The following ELAVL2 variants were observed in gnomAD, a reference collection of about 807,000 sequenced individuals.
ELAVL2 encodes ELAV like RNA binding protein 2.
A neutral mutation model predicts 34.6 loss-of-function variants in ELAVL2; 4 were observed. That is an observed-to-expected ratio of 0.12 (90% CI 0.06 to 0.26). The LOEUF is 0.26. ELAVL2 is among the 10% of genes least tolerant of loss of function. The probability of loss-of-function intolerance (pLI) is 1.00; values close to 1 mark genes in which losing one functional copy is unlikely to be tolerated. For missense variants in ELAVL2, 432 were observed against 442.8 expected (o/e 0.98, Z 0.22); for synonymous variants, 193 against 154.8 (o/e 1.25, Z -1.83).
chr9:23,737,649 G>C (rs1043161896), intron 2 of ELAVL2, among the ~76,000 whole-genome samples: 1 of 152,130 alleles, frequency 6.6e-6, no homozygotes, highest in Non-Finnish European at 1.5e-5. Context: ...GTAAAAACCT[G>C]GTAGTTGAAT....
chr9:23,754,250 T>C (rs916917566), intron 2 of ELAVL2, among the ~76,000 whole-genome samples: 3 of 152,098 alleles, frequency 2.0e-5, no homozygotes, highest in African/African-American at 7.2e-5. Context: ...TAGAGAAGAA[T>C]ATTGTTTCAT....
intron 1 of ELAVL2, among the ~76,000 whole-genome samples, chr9:23,777,956 A>G (rs1029428808): frequency 8.6e-6 from 1 of 116,462 alleles, no homozygotes; most frequent in Non-Finnish European, 1.7e-5. Context: ...AACATGGCCA[A>G]CATAAACAGC....
rs575160551 is a variant in ELAVL2 at position 23,765,770 on chromosome 9, A to G, written c.-15-3521T>C. On this transcript the variant is annotated intron_variant, in intron 1 of 6. Transcript: ENST00000397312. ...TGAAATAATTGGACCGATAAATAGG[A>G]TTGTTTGGAGTAATGCTCGCATAGG... 2.6e-5 allele frequency among the ~76,000 whole-genome samples: 4 copies of G among 152,284 alleles called. No homozygotes were observed. In the South Asian group the frequency reaches 8.3e-4, roughly 32 times the overall value.
intron 1 of ELAVL2, chr9:23,765,082 T>G: frequency 1.9e-6 from 3 of 1,605,728 alleles, no homozygotes; most frequent in Non-Finnish European, 2.5e-6. Flanking sequence ...GACTGCCATG[T>G]TAGTTTGGAG....
At chr9:23,822,526 C>G (rs1368297241) in intron 1 of ELAVL2, among the ~76,000 whole-genome samples, 1 of 152,162 alleles carries the variant, frequency 6.6e-6, no homozygotes, top group African/African-American at 2.4e-5. Flanking sequence ...TTGCCTTGGC[C>G]CGCCCCTTCG....
intron 2 of ELAVL2, among the ~76,000 whole-genome samples, chr9:23,747,947 G>T (rs1029868107): frequency 3.3e-5 from 5 of 152,066 alleles, no homozygotes; most frequent in African/African-American, 1.2e-4. Context: ...GTTCTACTCA[G>T]TAACAGAATC....
At chr9:23,804,374 T>G (rs2061952751) in intron 1 of ELAVL2, among the ~76,000 whole-genome samples, 1 of 152,240 alleles carries the variant, frequency 6.6e-6, no homozygotes, top group South Asian at 2.1e-4. Context: ...TACAAACATG[T>G]AATGGCACAG....
chr9:23,706,795 C>G (rs968371281), intron 3 of ELAVL2, among the ~76,000 whole-genome samples: 2 of 152,174 alleles, frequency 1.3e-5, no homozygotes, highest in African/African-American at 4.8e-5. Context: ...AAGCACCAAA[C>G]ATTTTCCCCA....
intron 5 of ELAVL2, among the ~76,000 whole-genome samples, chr9:23,701,136 A>G (rs2037054865): frequency 6.6e-6 from 1 of 151,996 alleles, no homozygotes; most frequent in South Asian, 2.1e-4. Context: ...GGCAAAAATC[A>G]CCCTTGGTTA....
chr9:23,781,872 G>C (rs901281261), intron 1 of ELAVL2, among the ~76,000 whole-genome samples: 1 of 152,046 alleles, frequency 6.6e-6, no homozygotes, highest in Middle Eastern at 3.2e-3. Context: ...TTTTAGTAGA[G>C]ACGGGGTTTC....
intron 5 of ELAVL2, 84 bp downstream of exon 5, chr9:23,701,295 T>A: frequency 1.4e-6 from 2 of 1,431,666 alleles, no homozygotes; most frequent in Middle Eastern, 1.8e-4. Context: ...AAACCAGAGA[T>A]CCTGTCAATA....
chr9:23,699,660 C>T (rs2036462423), intron 5 of ELAVL2, among the ~76,000 whole-genome samples: 1 of 151,930 alleles, frequency 6.6e-6, no homozygotes, highest in African/African-American at 2.4e-5. Context: ...ATATTATTCA[C>T]TTAAGATGTC....
At chr9:23,821,891 G>GGCGGGGCCGGCGGCGAGTTC (rs1177394201) in intron 1 of ELAVL2, 1 of 151,288 alleles carries the variant, frequency 6.6e-6, no homozygotes, top group East Asian at 2.0e-4. Flanking sequence ...AGCGCCAGGA[G>GGCGGGGCCGGCGGCGAGTTC]GCGGGGCCGG....
In ELAVL2 at chr9:23,708,046, AT is replaced by A. The variant is rs199608597; in HGVS notation, c.334-2976del. Among the ~76,000 whole-genome samples the A allele has an allele frequency of 1.4e-3, 197 of 142,462 alleles. 1 individual carries two copies. Among genetic ancestry groups the A allele is most frequent in the South Asian group, 8.9e-3 (35 of 3,920 alleles). 93.5% of individuals were successfully genotyped at this position (142,462 alleles called of 152,430 possible). ...AAAACATACCTAGGTCAGTTATGTG[AT>A]TTTTTTTTTCCCCAATGTCCACTCT... On this transcript the variant is annotated intron_variant, in intron 3 of 6. Transcript: ENST00000397312.
intron 2 of ELAVL2, among the ~76,000 whole-genome samples, chr9:23,751,158 C>T (rs533733472): frequency 1.3e-5 from 2 of 152,132 alleles, no homozygotes; most frequent in South Asian, 4.2e-4. Flanking sequence ...GTGGTGGATA[C>T]AGGACTTGTA....
intron 1 of ELAVL2, among the ~76,000 whole-genome samples, chr9:23,785,021 T>TA (rs2136976904): frequency 6.6e-6 from 1 of 152,334 alleles, no homozygotes; most frequent in South Asian, 2.1e-4. Context: ...TTGGGGCATC[T>TA]AAGCAAACCA....
At position 23,690,389 on chromosome 9, in the gene ELAVL2, C is replaced by T. The variant is rs941775001; in HGVS notation, c.*2168G>A. 6.6e-6 allele frequency: 1 copy of T among 152,508 alleles called. No homozygotes were observed. Among genetic ancestry groups the T allele is most frequent in the African/African-American group, 2.4e-5 (1 of 41,414 alleles). 9.4% of individuals were successfully genotyped at this position (152,508 alleles called of 1,614,324 possible). A position where few individuals can be genotyped will look rare whatever the true frequency, so the allele number is the denominator to read the frequency against. ...AAGAAGCATGTAGCTGCTGTTTTCC[C>T]TTGAGGGAAACCTTATTATTTTTTT... On this transcript the variant is annotated 3_prime_UTR_variant, in exon 7 of 7. Transcript: ENST00000397312.
At chr9:23,774,235 A>AAAAAAAAAAAG (rs59791462) in intron 1 of ELAVL2, among the ~76,000 whole-genome samples, 2 of 132,346 alleles carry the variant, frequency 1.5e-5, no homozygotes, top group African/African-American at 6.3e-5. Flanking sequence ...AAAAAAAAAA[A>AAAAAAAAAAAG]AAAGAAAGAA....
rs116382244 is a variant in ELAVL2, at chr9:23,726,958, A to T, written c.333+4064T>A. ...TAGGGACCTGAAGGATCTTGGAGAA[A>T]AACCTCTCTTCTTCTCACCAGCATA... On this transcript the variant is annotated intron_variant, in intron 3 of 6. Coordinates refer to ENST00000397312, the MANE Select transcript of ELAVL2 (RefSeq NM_004432.5). Among the ~76,000 whole-genome samples, 1,512 of 152,120 alleles carry T rather than the reference A, an allele frequency of 9.9e-3. 31 individuals carry two copies. Among genetic ancestry groups the T allele is most frequent in the African/African-American group, 0.035 (1,451 of 41,522 alleles).
Sources: allele counts gnomAD v4.1 joint callset (sites outside exome capture counted in the v4.1 genomes callset), GRCh38; gene constraint gnomAD v4.1.1; transcripts MANE v1.5; gene names NCBI Gene and HGNC (gene_info 2026-07-23, HGNC 2026-07-21).